Variants in LIPA observed in about 807,000 individuals in gnomAD.
LIPA encodes lysosomal acid lipase/cholesteryl ester hydrolase.
In LIPA, 26 loss-of-function variants were observed where a neutral mutation model predicts 40.6. The observed-to-expected ratio is 0.64, with a 90% confidence interval of 0.47 to 0.89. The LOEUF is 0.89. Ranked by LOEUF, LIPA falls within the 40% of genes least tolerant of loss-of-function variation. LIPA has a pLI of 0.00. For missense variants in LIPA, 455 were observed against 479.6 expected, an observed-to-expected ratio of 0.95 and a Z score of 0.48; for synonymous variants, 188 against 168.4, an observed-to-expected ratio of 1.12 and a Z score of -0.90.
intron 7 of LIPA, 131 bp from the exon 8 acceptor site, chr10:89,222,713 G>T: frequency 1.4e-6 from 1 of 703,616 alleles, no homozygotes; most frequent in Non-Finnish European, 2.6e-6. Context: ...ATGAGAGGTA[G>T]AAAAAAATTA....
intron 3 of LIPA, among the ~76,000 whole-genome samples, chr10:89,238,295 G>A (rs191555086): frequency 8.5e-5 from 13 of 152,322 alleles, no homozygotes. Context: ...TTCTAAAACA[G>A]CACCAGACGA....
At chr10:89,398,505 T>C (rs1844377258) in intron 2 of LIPA, among the ~76,000 whole-genome samples, 1 of 152,186 alleles carries the variant, frequency 6.6e-6, no homozygotes, top group African/African-American at 2.4e-5. Context: ...TGAGTACTCA[T>C]TTCATCCATC....
exon 2 of LIPA, chr10:89,412,858 C>A: frequency 5.7e-6 from 2 of 350,606 alleles, no homozygotes; most frequent in South Asian, 2.1e-5. Context: ...CCATCTTTAA[C>A]AACTGTAGCA....
chr10:89,371,291 T>C (rs1409155498), intron 2 of LIPA, among the ~76,000 whole-genome samples: 2 of 152,216 alleles, frequency 1.3e-5, no homozygotes, highest in Non-Finnish European at 2.9e-5. Context: ...ACATATGGGT[T>C]AACAAGGCTA....
At chr10:89,312,579 C>T (rs952974667) in intron 1 of LIPA, among the ~76,000 whole-genome samples, 13 of 152,026 alleles carry the variant, frequency 8.6e-5, no homozygotes, top group African/African-American at 1.9e-4. Flanking sequence ...TTGACTGAGG[C>T]GGGCGGATCA....
At chr10:89,373,423 C>T (rs1377775008) in intron 2 of LIPA, among the ~76,000 whole-genome samples, 1 of 151,706 alleles carries the variant, frequency 6.6e-6, no homozygotes, top group East Asian at 1.9e-4. Flanking sequence ...CATCAAGACC[C>T]CTGAGGTGGT....
rs145160892 is a variant in LIPA, at chr10:89,375,961, T to C, written c.61+36830A>G. Among the ~76,000 whole-genome samples, 22 of 151,856 alleles carry C rather than the reference T, an allele frequency of 1.4e-4. No individual in the cohort carries two copies. The East Asian group carries it at 4.3e-3, about 29-fold the overall frequency. ...CCACACTTTAGGAGGCCAACACAGG[T>C]GCATCACCTGAGGTCAGGAGTTCGA... is the stretch of plus-strand genomic sequence containing the variant. On this transcript the variant is annotated intron_variant, in intron 2 of 8. Coordinates refer to the LIPA transcript ENST00000371837.
At chr10:89,364,575 C>G (rs1003831187) in intron 2 of LIPA, among the ~76,000 whole-genome samples, 4 of 151,640 alleles carry the variant, frequency 2.6e-5, no homozygotes, top group African/African-American at 9.7e-5. Flanking sequence ...AGCTTTATAA[C>G]AAATCCAATC....
intron 1 of LIPA, among the ~76,000 whole-genome samples, chr10:89,313,340 A>G (rs1443081818): frequency 1.3e-5 from 2 of 152,232 alleles, no homozygotes; most frequent in African/African-American, 4.8e-5. Flanking sequence ...AATGAAGATC[A>G]TACCAGCACA....
At chr10:89,221,283 A>T (rs1270714841) in intron 8 of LIPA, among the ~76,000 whole-genome samples, 1 of 152,130 alleles carries the variant, frequency 6.6e-6, no homozygotes, top group African/African-American at 2.4e-5. Flanking sequence ...TGAAGCTGGG[A>T]GGCGGAGGTT....
At chr10:89,363,774 CAAAA>C (rs760221407) in intron 2 of LIPA, among the ~76,000 whole-genome samples, 1 of 93,100 alleles carries the variant, frequency 1.1e-5, no homozygotes, top group Non-Finnish European at 2.0e-5. Flanking sequence ...CAGACTCCAT[CAAAA>C]AAAAAAAAAA....
intron 2 of LIPA, chr10:89,405,281 T>C (rs552972737): frequency 4.6e-5 from 7 of 152,250 alleles, no homozygotes; most frequent in African/African-American, 1.7e-4. Flanking sequence ...AATCAAGAAA[T>C]ATTACATGAA....
chr10:89,384,769 C>A, intron 2 of LIPA: 2 of 1,435,288 alleles, frequency 1.4e-6, no homozygotes, highest in South Asian at 1.3e-5. Context: ...ATTTAATGGT[C>A]TTATAACTAA....
chr10:89,408,068 A>C (rs1389612776), intron 2 of LIPA, among the ~76,000 whole-genome samples: 1 of 152,126 alleles, frequency 6.6e-6, no homozygotes, highest in African/African-American at 2.4e-5. Flanking sequence ...GGGGAGAAAC[A>C]AACAAACCAA....
At chr10:89,245,871 A>T (rs1843017865) in intron 2 of LIPA, 78 bp from the exon 3 acceptor site, 1 of 810,860 alleles carries the variant, frequency 1.2e-6, no homozygotes, top group African/African-American at 1.7e-5. Context: ...AAAGGAGCAG[A>T]TAAACTATGT....
intron 2 of LIPA, among the ~76,000 whole-genome samples, chr10:89,397,336 T>C (rs1844358599): frequency 6.6e-6 from 1 of 152,166 alleles, no homozygotes; most frequent in African/African-American, 2.4e-5. Flanking sequence ...ACCATTAATT[T>C]TAATTTTGAT....
chr10:89,339,145 G>A (rs781599747), intron 1 of LIPA: 3 of 1,614,000 alleles, frequency 1.9e-6, no homozygotes, highest in South Asian at 2.2e-5. Flanking sequence ...GAAGGCTCTG[G>A]AAGAAAAGCC....
At chr10:89,310,125 G>A (rs1375255110) in intron 1 of LIPA, among the ~76,000 whole-genome samples, 2 of 152,188 alleles carry the variant, frequency 1.3e-5, no homozygotes, top group African/African-American at 4.8e-5. Context: ...GTTTTCAAGT[G>A]TGTTAGTGCC....
chr10:89,412,215 G>C (rs304442), intron 2 of LIPA, among the ~76,000 whole-genome samples: 1 of 152,070 alleles, frequency 6.6e-6, no homozygotes, highest in Non-Finnish European at 1.5e-5. Context: ...GGGGGATTGA[G>C]AGGTGAAGCT....
Sources: allele counts gnomAD v4.1 joint callset (sites outside exome capture counted in the v4.1 genomes callset), GRCh38; gene constraint gnomAD v4.1.1; transcripts MANE v1.5; gene names NCBI Gene and HGNC (gene_info 2026-07-23, HGNC 2026-07-21).